The following PLPP3 variants were observed in gnomAD, a reference collection of about 807,000 sequenced individuals.
PLPP3 encodes the protein PAP2 beta.
In PLPP3, 6 loss-of-function variants were observed where a neutral mutation model predicts 29.6. The ratio of observed to expected loss-of-function variants is 0.20; its 90% CI spans 0.11 to 0.40. The LOEUF is 0.40. PLPP3 is among the 10% of genes least tolerant of loss of function. The probability of loss-of-function intolerance (pLI) is 1.00; values close to 1 mark genes in which losing one functional copy is unlikely to be tolerated. For missense variants in PLPP3, 308 were observed against 407.7 expected, an observed-to-expected ratio of 0.76 and a Z score of 2.11; for synonymous variants, 152 against 159.7, an observed-to-expected ratio of 0.95 and a Z score of 0.36.
At chr1:56,501,007 CAAAAAAAAAAAAAA>C (rs71048436) in intron 5 of PLPP3, among the ~76,000 whole-genome samples, 2 of 84,962 alleles carry the variant, frequency 2.4e-5, no homozygotes, top group Admixed American at 3.0e-4. Context: ...CTGTCTCAGA[CAAAAAAAAAAAAAA>C]AAAAAAAAAA....
At chr1:56,571,272 G>C (rs988640363) in intron 1 of PLPP3, among the ~76,000 whole-genome samples, 1 of 152,184 alleles carries the variant, frequency 6.6e-6, no homozygotes, top group Non-Finnish European at 1.5e-5. Context: ...ACTACCTCTT[G>C]AGTGTCTCTA....
chr1:56,521,399 G>T (rs1645818782), intron 4 of PLPP3, among the ~76,000 whole-genome samples: 1 of 152,140 alleles, frequency 6.6e-6, no homozygotes, highest in African/African-American at 2.4e-5. Flanking sequence ...TTTAGGGCAA[G>T]ATAACCTTAG....
chr1:56,554,167 T>G (rs1199985457), intron 1 of PLPP3, among the ~76,000 whole-genome samples: 1 of 152,088 alleles, frequency 6.6e-6, no homozygotes, highest in East Asian at 1.9e-4. Flanking sequence ...AGCTTAAAGC[T>G]TAGATCTACC....
At chr1:56,571,112 C>T (rs1026334861) in intron 1 of PLPP3, among the ~76,000 whole-genome samples, 1 of 152,196 alleles carries the variant, frequency 6.6e-6, no homozygotes, top group Non-Finnish European at 1.5e-5. Context: ...AGTCCACATC[C>T]GAAAAGCAGA....
intron 1 of PLPP3, among the ~76,000 whole-genome samples, chr1:56,559,987 A>C (rs1646110350): frequency 6.6e-6 from 1 of 152,198 alleles, no homozygotes; most frequent in African/African-American, 2.4e-5. Flanking sequence ...GGTGCCTAAA[A>C]GCATTCTGCT....
chr1:56,495,404 A>G lies in PLPP3; in HGVS notation c.*1147T>C, dbSNP rs185927668. The G allele has an allele frequency of 6.5e-6, 1 of 152,788 alleles. No homozygotes were observed. Among genetic ancestry groups the G allele is most frequent in the African/African-American group, 2.4e-5 (1 of 41,586 alleles). 9.5% of individuals were successfully genotyped at this position (152,788 alleles called of 1,614,324 possible). ...GAAACTCTCTACCGAGATTTAACCC[A>G]TATGTTCTGCCCAGCAGAACCTACC... On this transcript the variant is annotated 3_prime_UTR_variant, in exon 6 of 6. Coordinates refer to ENST00000371250, the MANE Select transcript of PLPP3 (RefSeq NM_003713.5).
chr1:56,494,973 T>C lies in PLPP3; in HGVS notation c.*1578A>G, dbSNP rs1160910392. On this transcript the variant is annotated 3_prime_UTR_variant, in exon 6 of 6. Coordinates refer to ENST00000371250, the MANE Select transcript of PLPP3 (RefSeq NM_003713.5). ...TAAAACAATGTCTACCACAGAACTATGATATTTTAGTTGATATTTAAAAAA... is the reference window on the plus strand; with the variant it reads ...TAAAACAATGTCTACCACAGAACTACGATATTTTAGTTGATATTTAAAAAA... The C allele has an allele frequency of 6.6e-6, 1 of 152,616 alleles. No individual in the cohort carries two copies. The highest frequency in any genetic ancestry group is 1.5e-5 in the Non-Finnish European group (1 of 68,028). The allele number at this position is 152,616 out of a possible 1,614,324, so 9.5% of individuals were successfully genotyped here.
At chr1:56,574,010 G>A (rs1646218209) in intron 1 of PLPP3, among the ~76,000 whole-genome samples, 3 of 152,028 alleles carry the variant, frequency 2.0e-5, no homozygotes, top group African/African-American at 7.2e-5. Flanking sequence ...GACCATCTTG[G>A]CTAACATGGT....
At chr1:56,543,495 A>C (rs1378285791) in intron 1 of PLPP3, among the ~76,000 whole-genome samples, 1 of 152,190 alleles carries the variant, frequency 6.6e-6, no homozygotes, top group Non-Finnish European at 1.5e-5. Flanking sequence ...TAAATCACTT[A>C]AGGCCAGAAT....
At chr1:56,542,842 T>G (rs1645979334) in intron 1 of PLPP3, among the ~76,000 whole-genome samples, 1 of 152,076 alleles carries the variant, frequency 6.6e-6, no homozygotes, top group South Asian at 2.1e-4. Flanking sequence ...GGCAACATGA[T>G]GAAACTCCGT....
chr1:56,520,216 T>C (rs1645809568), intron 4 of PLPP3, among the ~76,000 whole-genome samples: 1 of 152,176 alleles, frequency 6.6e-6, no homozygotes, highest in Non-Finnish European at 1.5e-5. Context: ...CAGATGAGTA[T>C]GCTGAGGCTC....
At chr1:56,531,597 C>G (rs571830888) in intron 2 of PLPP3, among the ~76,000 whole-genome samples, 4 of 152,316 alleles carry the variant, frequency 2.6e-5, no homozygotes, top group Admixed American at 2.0e-4. Context: ...ATTTAACTCT[C>G]CAAGCCCAGT....
chr1:56,496,416 A>ATTTTT lies in PLPP3; in HGVS notation c.*130_*134dup. On this transcript the variant is annotated 3_prime_UTR_variant, in exon 6 of 6. Coordinates refer to ENST00000371250, the MANE Select transcript of PLPP3 (RefSeq NM_003713.5). ...ATTTTGGAAGGCCACATAGTAAAAC[A>ATTTTT]TTTTTTTTTTCCTTTTTAAAAATCA... 1 of 1,091,734 alleles carries ATTTTT rather than the reference A, an allele frequency of 9.2e-7. No individual in the cohort carries two copies. Among genetic ancestry groups the ATTTTT allele is most frequent in the Non-Finnish European group, 1.3e-6 (1 of 782,520 alleles). 67.6% of individuals were successfully genotyped at this position (1,091,734 alleles called of 1,614,324 possible).
intron 1 of PLPP3, among the ~76,000 whole-genome samples, chr1:56,559,288 AT>A (rs755278133): frequency 1.3e-5 from 2 of 152,232 alleles, no homozygotes; most frequent in African/African-American, 4.8e-5. Flanking sequence ...AAAGGTAGTT[AT>A]CAATGAGAAT....
At chr1:56,532,435 C>A (rs1358676213) in intron 2 of PLPP3, among the ~76,000 whole-genome samples, 1 of 152,056 alleles carries the variant, frequency 6.6e-6, no homozygotes. Context: ...TGTTGAGGAA[C>A]CTTGTTTTCT....
intron 4 of PLPP3, among the ~76,000 whole-genome samples, chr1:56,514,674 T>C (rs1415905101): frequency 1.3e-5 from 2 of 152,220 alleles, no homozygotes; most frequent in African/African-American, 2.4e-5. Flanking sequence ...AATACTTATT[T>C]GACCTTTAAT....
At chr1:56,531,450 C>T (rs1441825377) in intron 2 of PLPP3, among the ~76,000 whole-genome samples, 1 of 152,192 alleles carries the variant, frequency 6.6e-6, no homozygotes, top group Non-Finnish European at 1.5e-5. Context: ...ACAAAGCCTG[C>T]TTGCTATAAG....
intron 1 of PLPP3, among the ~76,000 whole-genome samples, chr1:56,545,897 G>C (rs1262399856): frequency 2.6e-5 from 4 of 152,058 alleles, no homozygotes; most frequent in African/African-American, 4.8e-5. Flanking sequence ...AAAGCGAAGA[G>C]GTGAGCATTA....
chr1:56,502,257 T>C (rs529825049), intron 5 of PLPP3, among the ~76,000 whole-genome samples: 2 of 152,314 alleles, frequency 1.3e-5, no homozygotes, highest in Non-Finnish European at 2.9e-5. Flanking sequence ...AGTGAACTCC[T>C]TGAAAATAGG....
Sources: allele counts gnomAD v4.1 joint callset (sites outside exome capture counted in the v4.1 genomes callset), GRCh38; gene constraint gnomAD v4.1.1; transcripts MANE v1.5; gene names NCBI Gene and HGNC (gene_info 2026-07-23, HGNC 2026-07-21).